The following COPG2 variants were observed in gnomAD, a reference collection of about 807,000 sequenced individuals.
COPG2 encodes the protein coatomer subunit gamma-2.
COPG2 carries 37 observed loss-of-function variants against 46.3 expected under a neutral mutation model. The observed-to-expected ratio is 0.80, with a 90% CI of 0.61 to 1.05. The LOEUF is 1.05. Ranked by LOEUF, COPG2 falls within the 50% of genes least tolerant of loss-of-function variation. The pLI is 0.00. For synonymous variants in COPG2, 159 were observed against 129.7 expected, an observed-to-expected ratio of 1.23 and a Z score of -1.53; for missense variants, 427 against 387.8, an observed-to-expected ratio of 1.10 and a Z score of -0.85.
intron 5 of COPG2, among the ~76,000 whole-genome samples, chr7:130,617,834 C>G (rs1554453112): frequency 6.6e-6 from 1 of 152,016 alleles, no homozygotes; most frequent in Non-Finnish European, 1.5e-5. Flanking sequence ...GGTGTGGTGG[C>G]TCATGTCTGT....
intron 20 of COPG2, among the ~76,000 whole-genome samples, chr7:130,520,187 C>T (rs1415553194): frequency 6.6e-6 from 1 of 152,016 alleles, no homozygotes; most frequent in Non-Finnish European, 1.5e-5. Flanking sequence ...AGAATATTTA[C>T]GATATGGCAG....
At position 130,528,900 on chromosome 7, in the gene COPG2, C is replaced by T. The variant is rs1393641443; in HGVS notation, c.2149+18774G>A. Among the ~76,000 whole-genome samples, 10 of 151,726 alleles carry T rather than the reference C, an allele frequency of 6.6e-5. No homozygotes were observed. The East Asian group carries it at 9.7e-4, about 15-fold the overall frequency. On this transcript the variant is annotated intron_variant, in intron 20 of 23. Coordinates refer to ENST00000425248, the MANE Select transcript of COPG2 (RefSeq NM_012133.6). ...ACCCCAGATGGGGCAAAGTGTGTGACGCAGTTCATGGATGACAAAGCATAG... is the reference window on the plus strand; with the variant it reads ...ACCCCAGATGGGGCAAAGTGTGTGATGCAGTTCATGGATGACAAAGCATAG...
intron 9 of COPG2, among the ~76,000 whole-genome samples, chr7:130,609,296 A>G (rs1235519586): frequency 6.6e-6 from 1 of 152,182 alleles, no homozygotes; most frequent in Non-Finnish European, 1.5e-5. Context: ...AGGTAATTGA[A>G]TCATGGGGGC....
chr7:130,630,719 ATAT>A (rs1554455044), intron 5 of COPG2, among the ~76,000 whole-genome samples: 1 of 152,098 alleles, frequency 6.6e-6, no homozygotes, highest in African/African-American at 2.4e-5. Context: ...ATCCCTAGTA[ATAT>A]TATTTATTCT....
At chr7:130,567,494 C>T (rs1311024687) in intron 9 of COPG2, among the ~76,000 whole-genome samples, 8 of 152,090 alleles carry the variant, frequency 5.3e-5, no homozygotes, top group Admixed American at 5.2e-4. Flanking sequence ...AAGATCATCA[C>T]CTATGCATTT....
At chr7:130,559,337 C>G (rs1427861109) in intron 12 of COPG2, among the ~76,000 whole-genome samples, 1 of 152,134 alleles carries the variant, frequency 6.6e-6, no homozygotes, top group African/African-American at 2.4e-5. Flanking sequence ...CCCACACCAC[C>G]CCAGCTGCCA....
At chr7:130,583,961 A>G (rs1399809393) in intron 9 of COPG2, among the ~76,000 whole-genome samples, 1 of 151,854 alleles carries the variant, frequency 6.6e-6, no homozygotes, top group Non-Finnish European at 1.5e-5. Flanking sequence ...AACTCATTCT[A>G]TGAAGCCAGT....
intron 12 of COPG2, among the ~76,000 whole-genome samples, chr7:130,557,203 A>G (rs986059868): frequency 6.6e-6 from 1 of 152,240 alleles, no homozygotes; most frequent in Non-Finnish European, 1.5e-5. Flanking sequence ...ATTCATATAC[A>G]TAAATGATAA....
chr7:130,533,003 G>A (rs1799843776), intron 20 of COPG2, among the ~76,000 whole-genome samples: 1 of 152,110 alleles, frequency 6.6e-6, no homozygotes, highest in South Asian at 2.1e-4. Context: ...ACCAACCTAG[G>A]CCCAGGAGCT....
chr7:130,570,798 CT>C (rs1554445434), intron 9 of COPG2, among the ~76,000 whole-genome samples: 1 of 152,156 alleles, frequency 6.6e-6, no homozygotes, highest in Non-Finnish European at 1.5e-5. Context: ...TGACTTCAAA[CT>C]ATACTATAAG....
At chr7:130,527,332 G>C (rs1374611274) in intron 20 of COPG2, among the ~76,000 whole-genome samples, 1 of 151,292 alleles carries the variant, frequency 6.6e-6, no homozygotes, top group Non-Finnish European at 1.5e-5. Flanking sequence ...TGGGGGTAAG[G>C]GAGGGAAATG....
intron 4 of COPG2, among the ~76,000 whole-genome samples, chr7:130,660,509 G>C (rs1032509501): frequency 6.6e-6 from 1 of 152,040 alleles, no homozygotes; most frequent in Non-Finnish European, 1.5e-5. Flanking sequence ...CCTACAGGTG[G>C]GGAAGCTTAT....
At chr7:130,522,739 C>A (rs1799734453) in intron 20 of COPG2, among the ~76,000 whole-genome samples, 1 of 151,822 alleles carries the variant, frequency 6.6e-6, no homozygotes, top group East Asian at 1.9e-4. Flanking sequence ...ACAAAAAATG[C>A]TAAGTAAGAA....
chr7:130,639,046 C>G (rs1795408156), intron 5 of COPG2, among the ~76,000 whole-genome samples: 1 of 152,160 alleles, frequency 6.6e-6, no homozygotes, highest in African/African-American at 2.4e-5. Flanking sequence ...AACTTGACCT[C>G]CAGGGGCTGC....
At chr7:130,577,605 C>CA (rs1554446442) in intron 9 of COPG2, among the ~76,000 whole-genome samples, 1 of 150,790 alleles carries the variant, frequency 6.6e-6, no homozygotes, top group Non-Finnish European at 1.5e-5. Context: ...ACTAAAAATA[C>CA]AAAAAATTAG....
At chr7:130,602,030 A>G (rs1554450393) in intron 9 of COPG2, among the ~76,000 whole-genome samples, 1 of 152,212 alleles carries the variant, frequency 6.6e-6, no homozygotes, top group African/African-American at 2.4e-5. Context: ...ACTGCAGGCT[A>G]GGCCAACGAC....
chr7:130,564,127 T>A (rs1229294395), intron 10 of COPG2, 133 bp downstream of exon 10: 2 of 396,842 alleles, frequency 5.0e-6, no homozygotes, highest in Non-Finnish European at 8.9e-6. Flanking sequence ...ACATATAAGC[T>A]ATCAGAATGC....
chr7:130,613,817 A>G (rs2116508834), intron 6 of COPG2, among the ~76,000 whole-genome samples, 181 bp from the exon 7 acceptor site: 1 of 152,372 alleles, frequency 6.6e-6, no homozygotes, highest in South Asian at 2.1e-4. Flanking sequence ...CAAACAACGA[A>G]GTTGAAGCTT....
At chr7:130,661,233 A>T (rs1310645461) in intron 4 of COPG2, among the ~76,000 whole-genome samples, 1 of 152,180 alleles carries the variant, frequency 6.6e-6, no homozygotes, top group Non-Finnish European at 1.5e-5. Flanking sequence ...GTTTGTCCTC[A>T]TCCTTTTTCT....
Sources: gnomAD v4.1 joint callset for allele counts (sites outside exome capture counted in the v4.1 genomes callset) on GRCh38, gnomAD v4.1.1 for gene constraint, MANE v1.5 for transcripts, NCBI Gene and HGNC (gene_info 2026-07-23, HGNC 2026-07-21) for gene names.